DMD: variants seen among roughly 807,000 people sequenced by gnomAD.
The protein encoded by DMD is mutant dystrophin.
Under a neutral mutation model 330.1 loss-of-function variants are expected in DMD, and 63 were observed. That is an observed-to-expected ratio of 0.19 (90% CI 0.16 to 0.24). The LOEUF (loss-of-function observed/expected upper bound fraction) is 0.24, where lower values mean the gene tolerates loss of function less well. DMD is among the 10% of genes least tolerant of loss of function. DMD has a pLI of 1.00. For synonymous variants in DMD, 1,223 were observed against 959.8 expected (o/e 1.27, Z -5.07); for missense variants, 3,344 against 2,684.1 (o/e 1.25, Z -5.43).
chrX:32,041,043 A>G (rs1366580861), intron 44 of DMD, among the ~76,000 whole-genome samples: 3 of 111,497 alleles, frequency 2.7e-5, no homozygotes, highest in Middle Eastern at 4.2e-3. Flanking sequence ...CTAAATGGAA[A>G]CCAATGAAGA....
intron 19 of DMD, among the ~76,000 whole-genome samples, chrX:32,500,134 C>G (rs1164492745): frequency 9.0e-6 from 1 of 110,578 alleles, no homozygotes; most frequent in Non-Finnish European, 1.9e-5. Flanking sequence ...AATCACACCC[C>G]TACCCCCCAG....
chrX:32,262,188 C>T (rs182838263), intron 43 of DMD, among the ~76,000 whole-genome samples: 2 of 111,993 alleles, frequency 1.8e-5, no homozygotes, highest in Non-Finnish European at 3.8e-5. Context: ...TGTGTAATCA[C>T]ACGGAGATCA....
rs201536253 is a variant in DMD, at chrX:33,313,676, T to TA, written c.7+25582dup. On this transcript the variant is annotated intron_variant, in intron 1 of 17. Transcript: ENST00000288447. ...GTCTTCTTGTTAAGCGAAGTGGATG[T>TA]AAAAAAAAAAAAAATGCAAAGGAAT... Among the ~76,000 whole-genome samples the TA allele has an allele frequency of 9.2e-3, 908 of 99,207 alleles. 14 individuals carry two copies. Among genetic ancestry groups the TA allele is most frequent in the African/African-American group, 0.029 (792 of 27,300 alleles). 86.1% of individuals were successfully genotyped at this position (99,207 alleles called of 115,157 possible).
intron 59 of DMD, among the ~76,000 whole-genome samples, chrX:31,453,787 A>AAAAAACAAAAAAAAAAAAC (rs2065951141): frequency 9.5e-6 from 1 of 105,429 alleles, no homozygotes; most frequent in Non-Finnish European, 1.9e-5. Context: ...AAAAAAAAAA[A>AAAAAACAAAAAAAAAAAAC]AAACCACAAA....
chrX:31,866,868 A>C (rs1312105888), intron 48 of DMD, among the ~76,000 whole-genome samples: 1 of 111,613 alleles, frequency 9.0e-6, no homozygotes, highest in African/African-American at 3.3e-5. Flanking sequence ...TGGAAATGGC[A>C]GAAGATTTGT....
rs767993498 is a variant in DMD, at chrX:32,312,942, C to CAAAAAAAAAAAAA, written c.5923-2679_5923-2667dup. Among the ~76,000 whole-genome samples the CAAAAAAAAAAAAA allele has an allele frequency of 2.5e-3, 50 of 20,396 alleles. 7 individuals are homozygous for CAAAAAAAAAAAAA. Among genetic ancestry groups the CAAAAAAAAAAAAA allele is most frequent in the East Asian group, 6.2e-3 (2 of 325 alleles). 17.7% of individuals were successfully genotyped at this position (20,396 alleles called of 115,157 possible). On this transcript the variant is annotated intron_variant, in intron 41 of 78. Transcript: ENST00000357033. ...ATTGAGGCAGTAATAGCCTACGAAC[C>CAAAAAAAAAAAAA]AAAAAAAAAAAAAAAAAAAAAAGCC...
chrX:31,697,315 C>T (rs16989786), intron 52 of DMD, among the ~76,000 whole-genome samples: 2,247 of 111,855 alleles, frequency 0.02, 64 homozygotes, highest in African/African-American at 0.068. Context: ...TGCACATAAA[C>T]CCAGACAATC....
At chrX:32,635,263 C>G (rs1206095249) in intron 11 of DMD, among the ~76,000 whole-genome samples, 1 of 111,479 alleles carries the variant, frequency 9.0e-6, no homozygotes, top group Non-Finnish European at 1.9e-5. Flanking sequence ...CTTTACTACC[C>G]TCTTCTGTGC....
At chrX:32,521,052 G>A (rs888868912) in intron 17 of DMD, among the ~76,000 whole-genome samples, 1 of 111,329 alleles carries the variant, frequency 9.0e-6, no homozygotes, top group African/African-American at 3.3e-5. Flanking sequence ...TGTAGCCACC[G>A]TTCTCATTCC....
intron 4 of DMD, among the ~76,000 whole-genome samples, chrX:32,837,628 CT>C (rs1165308862): frequency 8.9e-6 from 1 of 112,020 alleles, no homozygotes; most frequent in East Asian, 2.8e-4. Context: ...TGATTACACT[CT>C]CTTCAACTTT....
intron 62 of DMD, among the ~76,000 whole-genome samples, chrX:31,321,537 T>C (rs1258614779): frequency 1.1e-5 from 1 of 87,089 alleles, no homozygotes; most frequent in African/African-American, 4.6e-5. Flanking sequence ...TGAGCCGAGA[T>C]CGGGCCACTG....
intron 7 of DMD, among the ~76,000 whole-genome samples, chrX:32,729,990 G>A (rs929225094): frequency 9.0e-6 from 1 of 111,640 alleles, no homozygotes; most frequent in Non-Finnish European, 1.9e-5. Flanking sequence ...AGCTGAGTTA[G>A]TCATGTTTTT....
At chrX:32,828,206 C>T (rs748287079) in intron 4 of DMD, among the ~76,000 whole-genome samples, 17 of 111,236 alleles carry the variant, frequency 1.5e-4, no homozygotes, top group Middle Eastern at 4.2e-3. Context: ...GTGTCTTTAT[C>T]GTAGAACAAT....
At chrX:31,668,833 A>G (rs2081581075) in intron 53 of DMD, among the ~76,000 whole-genome samples, 1 of 111,765 alleles carries the variant, frequency 8.9e-6, no homozygotes, top group Admixed American at 9.5e-5. Flanking sequence ...ACTTTTTTAG[A>G]TTCCACACAT....
At chrX:31,714,812 C>T (rs762348465) in intron 52 of DMD, among the ~76,000 whole-genome samples, 53 of 111,405 alleles carry the variant, frequency 4.8e-4, no homozygotes, top group Admixed American at 1.3e-3. Context: ...TAAGGAACTC[C>T]GAAGTGCCCT....
At chrX:32,033,004 T>G (rs1180388980) in intron 44 of DMD, among the ~76,000 whole-genome samples, 1 of 112,464 alleles carries the variant, frequency 8.9e-6, no homozygotes, top group Non-Finnish European at 1.9e-5. Context: ...CATTGGCAGA[T>G]GAATAGATAA....
At chrX:32,852,135 T>C (rs1254670251) in intron 2 of DMD, among the ~76,000 whole-genome samples, 1 of 111,450 alleles carries the variant, frequency 9.0e-6, no homozygotes, top group African/African-American at 3.3e-5. Flanking sequence ...AGACTGCTTC[T>C]TCCACTTGAG....
chrX:33,264,512 C>T (rs1420906641), intron 1 of DMD, among the ~76,000 whole-genome samples: 1 of 110,673 alleles, frequency 9.0e-6, no homozygotes, highest in Non-Finnish European at 1.9e-5. Flanking sequence ...TTTAAGATTA[C>T]ACATGTTGTT....
At chrX:32,802,155 T>C (rs1402406339) in intron 7 of DMD, among the ~76,000 whole-genome samples, 1 of 111,959 alleles carries the variant, frequency 8.9e-6, no homozygotes, top group East Asian at 2.8e-4. Context: ...GGAATGTTTT[T>C]TCATTTGTTT....
Sources: allele counts gnomAD v4.1 joint callset (sites outside exome capture counted in the v4.1 genomes callset), GRCh38; gene constraint gnomAD v4.1.1; transcripts MANE v1.5; gene names NCBI Gene and HGNC (gene_info 2026-07-23, HGNC 2026-07-21).